The following TECRL variants were observed in gnomAD, a reference collection of about 807,000 sequenced individuals.
TECRL encodes trans-2,3-enoyl-CoA reductase like, also known as trans-2,3-enoyl-CoA reductase-like.
TECRL carries 63 observed loss-of-function variants against 52.8 expected under a neutral mutation model. The ratio of observed to expected loss-of-function variants is 1.19; its 90% CI spans 0.97 to 1.47. The LOEUF is 1.47. Ranked by LOEUF, TECRL falls within the 40% of genes most tolerant of loss-of-function variation. TECRL has a pLI of 0.00. For missense variants in TECRL, 482 were observed against 429.6 expected (o/e 1.12, Z -1.08); for synonymous variants, 164 against 141.9 (o/e 1.16, Z -1.10).
chr4:64,407,779 T>C (rs1053926447), intron 1 of TECRL, among the ~76,000 whole-genome samples: 1 of 150,604 alleles, frequency 6.6e-6, no homozygotes, highest in Non-Finnish European at 1.5e-5. Flanking sequence ...TTTATTTTTT[T>C]ATTTTTCTTA....
intron 2 of TECRL, among the ~76,000 whole-genome samples, chr4:64,369,109 T>C (rs975342299): frequency 3.3e-5 from 5 of 152,178 alleles, no homozygotes; most frequent in Non-Finnish European, 7.3e-5. Context: ...TTTCAACTAA[T>C]AGATAACACG....
intron 9 of TECRL, among the ~76,000 whole-genome samples, chr4:64,286,802 A>C (rs1443663933): frequency 6.6e-6 from 1 of 152,184 alleles, no homozygotes; most frequent in Non-Finnish European, 1.5e-5. Context: ...TTTCAAAATT[A>C]CTGGATGACT....
intron 3 of TECRL, among the ~76,000 whole-genome samples, chr4:64,327,862 G>C (rs1016957375): frequency 6.6e-6 from 1 of 151,842 alleles, no homozygotes; most frequent in African/African-American, 2.4e-5. Context: ...AATTCCTTAA[G>C]AGGTACCTCC....
intron 2 of TECRL, 101 bp downstream of exon 2, chr4:64,375,071 G>T: frequency 4.2e-6 from 2 of 475,628 alleles, no homozygotes; most frequent in Non-Finnish European, 7.1e-6. Flanking sequence ...TAGAACTATG[G>T]TTTTCATACA....
chr4:64,403,213 CT>C (rs1433149619), intron 1 of TECRL, among the ~76,000 whole-genome samples: 2 of 151,926 alleles, frequency 1.3e-5, no homozygotes, highest in African/African-American at 4.8e-5. Context: ...ACAAATGTAT[CT>C]TCTCTAATCC....
Position 64,396,574 on chromosome 4 carries a change from T to G in TECRL, c.234+12544A>C, listed in dbSNP as rs958301574. Among the ~76,000 whole-genome samples the G allele has an allele frequency of 2.6e-5, 4 of 152,262 alleles. No individual in the cohort carries two copies. The South Asian group carries it at 8.3e-4, about 32-fold the overall frequency. ...ATATTAGACTTTGTCAGATGCATAG[T>G]TTACAAACACTTTCTTCCTTCCTTA... On this transcript the variant is annotated intron_variant, in intron 1 of 11. Coordinates refer to ENST00000381210, the MANE Select transcript of TECRL (RefSeq NM_001010874.5).
At chr4:64,408,111 T>C (rs970474184) in intron 1 of TECRL, among the ~76,000 whole-genome samples, 2 of 151,732 alleles carry the variant, frequency 1.3e-5, no homozygotes, top group Non-Finnish European at 2.9e-5. Flanking sequence ...TATAACTCAA[T>C]TTATAAACTG....
At chr4:64,392,607 G>A (rs901087527) in intron 1 of TECRL, among the ~76,000 whole-genome samples, 2 of 151,694 alleles carry the variant, frequency 1.3e-5, no homozygotes, top group African/African-American at 4.8e-5. Flanking sequence ...TTTTTTAGTC[G>A]AGGCTGATAG....
intron 2 of TECRL, among the ~76,000 whole-genome samples, chr4:64,351,566 C>T (rs1190052638): frequency 1.3e-5 from 2 of 151,952 alleles, no homozygotes; most frequent in Non-Finnish European, 2.9e-5. Flanking sequence ...AGTCACTGTG[C>T]CCAGCCAAAG....
In TECRL at chr4:64,409,191, T is replaced by A. The variant is rs768151844; in HGVS notation, c.161A>T (p.His54Leu). 8 of 1,613,434 alleles carry A rather than the reference T, an allele frequency of 5.0e-6. No homozygotes were observed. The highest frequency in any genetic ancestry group is 1.7e-5 in the Admixed American group (1 of 59,982). ...GPLRPTPAVK[H>L]SKTTHFEIEI... ...AATCTCAAAGTGAGTCGTTTTTGAA[T>A]GTTTGACTGCTGGAGTTGGTCTTAG... is the stretch of plus-strand genomic sequence containing the variant. Residue 54 changes from histidine (H) to leucine (L), a missense_variant, in exon 1 of 12, where the codon CAT (histidine) becomes CTT (leucine). Coordinates refer to ENST00000381210, the MANE Select transcript of TECRL (RefSeq NM_001010874.5).
At chr4:64,309,444 G>A (rs542576641) in intron 6 of TECRL, among the ~76,000 whole-genome samples, 20 of 152,176 alleles carry the variant, frequency 1.3e-4, no homozygotes, top group African/African-American at 4.3e-4. Flanking sequence ...ATTGACAACT[G>A]CCATAATAAT....
chr4:64,357,453 T>C (rs1351604849), intron 2 of TECRL, among the ~76,000 whole-genome samples: 1 of 151,592 alleles, frequency 6.6e-6, no homozygotes, highest in Non-Finnish European at 1.5e-5. Context: ...CAAATCATGT[T>C]ACAAAATAAA....
Position 64,330,066 on chromosome 4 carries a change from T to A in TECRL, c.287-1510A>T, listed in dbSNP as rs536729743. Among the ~76,000 whole-genome samples, 241 of 151,704 alleles carry A rather than the reference T, an allele frequency of 1.6e-3. 1 individual carries two copies. Among genetic ancestry groups the A allele is most frequent in the African/African-American group, 5.1e-3 (213 of 41,462 alleles). On this transcript the variant is annotated intron_variant, in intron 2 of 11. Transcript: ENST00000381210. ...GGAGAAACTAAAAATGAAGAAAAAA[T>A]CAGAGAAACATCTATCATGGCTTAA... is the stretch of plus-strand genomic sequence containing the variant.
At chr4:64,311,936 G>A (rs1367509645) in intron 5 of TECRL, among the ~76,000 whole-genome samples, 1 of 152,118 alleles carries the variant, frequency 6.6e-6, no homozygotes, top group Non-Finnish European at 1.5e-5. Context: ...TTTACAAATA[G>A]CAAGGGAGGC....
Position 64,406,157 on chromosome 4 carries a change from CGCGCGCGCGT to C in TECRL, c.234+2951_234+2960del, listed in dbSNP as rs763681876. Among the ~76,000 whole-genome samples the C allele has an allele frequency of 1.8e-4, 26 of 144,442 alleles. No individual in the cohort carries two copies. In the South Asian group the frequency reaches 1.9e-3, roughly 11 times the overall value. 94.8% of individuals were successfully genotyped at this position (144,442 alleles called of 152,430 possible). A position where few individuals can be genotyped will look rare whatever the true frequency, so the allele number is the denominator to read the frequency against. ...CTTTTTTATTTGTTAGGCGCGCGCGCGCGCGCGCGTGTGTGTGTGTGTGTATGTGTGTAAT... is the reference window on the plus strand; with the variant it reads ...CTTTTTTATTTGTTAGGCGCGCGCGCGTGTGTGTGTGTGTATGTGTGTAAT... On this transcript the variant is annotated intron_variant, in intron 1 of 11. Coordinates refer to ENST00000381210, the MANE Select transcript of TECRL (RefSeq NM_001010874.5).
At chr4:64,348,990 C>T (rs1720183668) in intron 2 of TECRL, among the ~76,000 whole-genome samples, 1 of 141,536 alleles carries the variant, frequency 7.1e-6, no homozygotes. Context: ...AGAACAGATT[C>T]AAGAGAAAAC....
At chr4:64,284,015 C>T (rs975833671) in intron 9 of TECRL, among the ~76,000 whole-genome samples, 2 of 151,826 alleles carry the variant, frequency 1.3e-5, no homozygotes, top group African/African-American at 4.8e-5. Context: ...AGATAATGCC[C>T]CAAAGGAGCT....
At chr4:64,320,923 G>A (rs1454863735) in intron 4 of TECRL, among the ~76,000 whole-genome samples, 1 of 152,006 alleles carries the variant, frequency 6.6e-6, no homozygotes, top group Non-Finnish European at 1.5e-5. Flanking sequence ...TCAATCTTTA[G>A]TGGTACAAGT....
At position 64,352,745 on chromosome 4, in the gene TECRL, C is replaced by T. The variant is rs28539475; in HGVS notation, c.286+22427G>A. Reference sequence around the variant, plus strand: ...TCACACACACCACATGTAAGCACTTCTATGTGTTTAGGCATATGCATAAGA... The same window carrying T: ...TCACACACACCACATGTAAGCACTTTTATGTGTTTAGGCATATGCATAAGA... On this transcript the variant is annotated intron_variant, in intron 2 of 11. Coordinates refer to ENST00000381210, the MANE Select transcript of TECRL (RefSeq NM_001010874.5). Among the ~76,000 whole-genome samples, 881 of 152,274 alleles carry T rather than the reference C, an allele frequency of 5.8e-3. 7 individuals are homozygous for T. Among genetic ancestry groups the T allele is most frequent in the Admixed American group, 0.025 (382 of 15,302 alleles).
Sources: allele counts gnomAD v4.1 joint callset (sites outside exome capture counted in the v4.1 genomes callset), GRCh38; gene constraint gnomAD v4.1.1; transcripts MANE v1.5; gene names NCBI Gene and HGNC (gene_info 2026-07-23, HGNC 2026-07-21).